Variants in KANSL1L observed in about 807,000 individuals in gnomAD.
The protein encoded by KANSL1L is KAT8 regulatory NSL complex subunit 1-like protein.
KANSL1L carries 25 observed loss-of-function variants against 108.6 expected under a neutral mutation model. The ratio of observed to expected loss-of-function variants is 0.23; its 90% CI spans 0.17 to 0.32. The LOEUF (loss-of-function observed/expected upper bound fraction) is 0.32. Ranked by LOEUF, KANSL1L falls within the 10% of genes least tolerant of loss-of-function variation. KANSL1L has a pLI of 1.00. For missense variants in KANSL1L, 1,137 were observed against 1,125.7 expected (o/e 1.01, Z -0.14); for synonymous variants, 405 against 395.1 (o/e 1.03, Z -0.30).
chr2:210,059,137 CAAAAAAA>C (rs71043969), intron 6 of KANSL1L, among the ~76,000 whole-genome samples: 1 of 71,836 alleles, frequency 1.4e-5, no homozygotes. Flanking sequence ...GACTCCGTCT[CAAAAAAA>C]AAAAAAAAAA....
chr2:210,130,259 G>A (rs2095108354), intron 2 of KANSL1L, among the ~76,000 whole-genome samples: 1 of 152,092 alleles, frequency 6.6e-6, no homozygotes, highest in African/African-American at 2.4e-5. Context: ...GTAGCATGTA[G>A]GAACAGGGGA....
At chr2:210,042,576 T>C (rs2094177036) in intron 7 of KANSL1L, among the ~76,000 whole-genome samples, 1 of 152,184 alleles carries the variant, frequency 6.6e-6, no homozygotes, top group South Asian at 2.1e-4. Flanking sequence ...GGATGAGTAG[T>C]ATCACGAAGC....
At chr2:210,028,796 T>A in intron 11 of KANSL1L, 49 bp downstream of exon 11, 2 of 1,348,992 alleles carry the variant, frequency 1.5e-6, no homozygotes, top group Non-Finnish European at 2.0e-6. Flanking sequence ...AAAATTTAAG[T>A]TTATTAGGGA....
chr2:210,152,392 T>C (rs1209148621), intron 2 of KANSL1L: 1 of 152,244 alleles, frequency 6.6e-6, no homozygotes, highest in Non-Finnish European at 1.5e-5. Context: ...CACATAAGTC[T>C]AGTGCCTATT....
In KANSL1L at chr2:210,129,038, G is replaced by A. The variant is rs958870530; in HGVS notation, c.1223C>T (p.Ala408Val). 10 of 1,613,030 alleles carry A rather than the reference G, an allele frequency of 6.2e-6. No individual in the cohort carries two copies. Among genetic ancestry groups the A allele is most frequent in the Middle Eastern group, 1.6e-4 (1 of 6,078 alleles). Residue 408 changes from alanine (A) to valine (V), a missense_variant, in exon 3 of 15, where the codon GCC (alanine) becomes GTC (valine). By Grantham distance (64) the Ala-to-Val change is moderately conservative. Transcript: ENST00000281772. ...AACACAGACAGACAATACCTTGGAG[G>A]CACGAATTTGCCTGTGAATGTCTGT... ...QLTDIHRQIRASKGIVVLEEC... is the reference protein window; with the variant it reads ...QLTDIHRQIRVSKGIVVLEEC...
chr2:210,048,706 G>A (rs1468493685), intron 6 of KANSL1L, among the ~76,000 whole-genome samples: 1 of 151,674 alleles, frequency 6.6e-6, no homozygotes, highest in African/African-American at 2.4e-5. Context: ...CTCTCATCAT[G>A]TGGCCTTAGT....
At chr2:210,113,342 G>A (rs1243880876) in intron 3 of KANSL1L, among the ~76,000 whole-genome samples, 1 of 151,990 alleles carries the variant, frequency 6.6e-6, no homozygotes, top group Non-Finnish European at 1.5e-5. Context: ...AAACGTGCAG[G>A]CTCAGAAAAA....
chr2:210,091,473 C>T (rs2094692601), intron 5 of KANSL1L, among the ~76,000 whole-genome samples: 1 of 151,974 alleles, frequency 6.6e-6, no homozygotes, highest in African/African-American at 2.4e-5. Flanking sequence ...GCAATAACTC[C>T]CCTTACTCTT....
intron 8 of KANSL1L, among the ~76,000 whole-genome samples, chr2:210,038,987 C>T (rs2094136863): frequency 6.6e-6 from 1 of 151,794 alleles, no homozygotes; most frequent in Non-Finnish European, 1.5e-5. Context: ...TTGACTAAGC[C>T]ATTTTATCAA....
chr2:210,052,279 A>T (rs1249091217), intron 6 of KANSL1L, among the ~76,000 whole-genome samples: 1 of 152,110 alleles, frequency 6.6e-6, no homozygotes, highest in Non-Finnish European at 1.5e-5. Flanking sequence ...CTGGGGTTAC[A>T]GGCCTGAGCC....
intron 3 of KANSL1L, among the ~76,000 whole-genome samples, chr2:210,117,281 T>C (rs376780681): frequency 6.6e-6 from 1 of 152,110 alleles, no homozygotes; most frequent in Non-Finnish European, 1.5e-5. Context: ...AAACCTAAGA[T>C]ACTGGCCTTT....
chr2:210,093,276 G>C (rs1022949457), intron 5 of KANSL1L, among the ~76,000 whole-genome samples: 42 of 152,182 alleles, frequency 2.8e-4, no homozygotes, highest in African/African-American at 1.0e-3. Flanking sequence ...CTCCCAAGTA[G>C]TTGGGACTAC....
chr2:210,027,236 A>C, intron 12 of KANSL1L, 60 bp downstream of exon 12: 1 of 1,112,808 alleles, frequency 9.0e-7, no homozygotes, highest in South Asian at 1.3e-5. Flanking sequence ...TGAATGTCAA[A>C]GTAAGCAGGT....
chr2:210,152,845 T>C (rs1052853881), intron 2 of KANSL1L: 14 of 152,220 alleles, frequency 9.2e-5, no homozygotes, highest in African/African-American at 2.9e-4. Context: ...ATACACATAT[T>C]AACTAGATCA....
intron 1 of KANSL1L, among the ~76,000 whole-genome samples, chr2:210,160,401 C>T (rs2095355708): frequency 6.6e-6 from 1 of 152,082 alleles, no homozygotes; most frequent in Admixed American, 6.6e-5. Context: ...AAAACTGTCT[C>T]TATTCACAGA....
chr2:210,039,700 C>T (rs2094143938), intron 8 of KANSL1L, among the ~76,000 whole-genome samples: 1 of 151,730 alleles, frequency 6.6e-6, no homozygotes, highest in Non-Finnish European at 1.5e-5. Flanking sequence ...ATTATAATTT[C>T]CTCAAGTTTT....
At chr2:210,074,097 G>C (rs554612132) in intron 6 of KANSL1L, among the ~76,000 whole-genome samples, 3 of 152,276 alleles carry the variant, frequency 2.0e-5, no homozygotes, top group South Asian at 2.1e-4. Context: ...GTCAAGGAAG[G>C]CTTCCTGAGA....
intron 2 of KANSL1L, among the ~76,000 whole-genome samples, chr2:210,145,650 A>C (rs1374251611): frequency 3.3e-5 from 5 of 152,186 alleles, no homozygotes. Flanking sequence ...AGGGAATTAC[A>C]AAGGTTCTGG....
intron 5 of KANSL1L, among the ~76,000 whole-genome samples, chr2:210,076,092 TC>T (rs2094540268): frequency 6.6e-6 from 1 of 152,156 alleles, no homozygotes; most frequent in South Asian, 2.1e-4. Flanking sequence ...TACACAAAAT[TC>T]TTTTTGTGTA....
Sources: gnomAD v4.1 joint callset for allele counts (sites outside exome capture counted in the v4.1 genomes callset) on GRCh38, gnomAD v4.1.1 for gene constraint, MANE v1.5 for transcripts, NCBI Gene and HGNC (gene_info 2026-07-23, HGNC 2026-07-21) for gene names.